Variants in UBAP2 observed in about 807,000 individuals in gnomAD.
The protein encoded by UBAP2 is ubiquitin-associated protein 2.
In UBAP2, 75 loss-of-function variants were observed where a neutral mutation model predicts 139.6. The ratio of observed to expected loss-of-function variants is 0.54; its 90% CI spans 0.45 to 0.65. UBAP2 has a LOEUF of 0.65. UBAP2 is among the 30% of genes least tolerant of loss of function. The pLI is 0.00. For missense variants in UBAP2, 1,368 were observed against 1,369.6 expected (o/e 1.00, Z 0.02); for synonymous variants, 526 against 526.2 (o/e 1.00, Z 0.01).
chr9:33,960,709 G>C (rs746621824), intron 10 of UBAP2, 117 bp downstream of exon 10: 3 of 906,172 alleles, frequency 3.3e-6, no homozygotes, highest in East Asian at 2.5e-5. Flanking sequence ...GAATCTGGGA[G>C]GCAGAGGTTG....
At chr9:33,938,795 CAAAA>C (rs10577457) in intron 16 of UBAP2, 2,795 of 307,868 alleles carry the variant, frequency 9.1e-3, no homozygotes, top group South Asian at 0.019. Context: ...GACTCCATCT[CAAAA>C]AAAAAAAAAA....
At chr9:34,026,209 T>C (rs189347026) in intron 1 of UBAP2, among the ~76,000 whole-genome samples, 54 of 152,278 alleles carry the variant, frequency 3.5e-4, no homozygotes, top group African/African-American at 1.2e-3. Flanking sequence ...GTTTGAACAG[T>C]TAATTAAATC....
chr9:34,035,189 C>A (rs925912676), intron 1 of UBAP2, among the ~76,000 whole-genome samples: 1 of 151,878 alleles, frequency 6.6e-6, no homozygotes, highest in Non-Finnish European at 1.5e-5. Flanking sequence ...CTCATTCTTT[C>A]ATCTGTCTCT....
intron 2 of UBAP2, among the ~76,000 whole-genome samples, chr9:34,008,855 C>T (rs1823475422): frequency 6.9e-6 from 1 of 144,570 alleles, no homozygotes. Context: ...GTCCCAACTA[C>T]TTTGGAGGCT....
intron 13 of UBAP2, among the ~76,000 whole-genome samples, chr9:33,946,035 AAC>A (rs1030939998): frequency 1.3e-5 from 2 of 152,230 alleles, no homozygotes; most frequent in Non-Finnish European, 2.9e-5. Context: ...CATCCTTTTT[AAC>A]ACACTCTAAT....
intron 12 of UBAP2, among the ~76,000 whole-genome samples, 190 bp downstream of exon 12, chr9:33,953,095 C>G (rs567719583): frequency 6.6e-6 from 1 of 152,196 alleles, no homozygotes; most frequent in Non-Finnish European, 1.5e-5. Context: ...GTTTCAAACT[C>G]CTGGGTTCAA....
At chr9:33,971,509 AG>A (rs1827913619) in intron 8 of UBAP2, 141 bp downstream of exon 8, 2 of 598,890 alleles carry the variant, frequency 3.3e-6, no homozygotes, top group Non-Finnish European at 6.0e-6. Context: ...GAACCAACTA[AG>A]AATAGTTTCA....
rs776827275 is a variant in UBAP2, at chr9:33,996,317, C to G, written c.194G>C (p.Gly65Ala). ...AKVKQLMEVT[G>A]KNQDECIVAL... ...CACTATGCATTCATCCTGATTTTTCCCTGTCACTTCCATAAGCTAGTGAAC... is the reference window on the plus strand; with the variant it reads ...CACTATGCATTCATCCTGATTTTTCGCTGTCACTTCCATAAGCTAGTGAAC... Residue 65 changes from glycine (G) to alanine (A), a missense_variant, in exon 4 of 29, where the codon GGG becomes GCG. By Grantham distance (60) the Gly-to-Ala change is moderately conservative. Coordinates refer to ENST00000379238, the MANE Select transcript of UBAP2 (RefSeq NM_001370062.2). 2.5e-6 allele frequency: 4 copies of G among 1,613,074 alleles called. No individual in the cohort carries two copies. Among genetic ancestry groups the G allele is most frequent in the Non-Finnish European group, 3.4e-6 (4 of 1,179,738 alleles).
At chr9:34,024,038 T>C (rs774564497) in intron 1 of UBAP2, among the ~76,000 whole-genome samples, 1 of 142,874 alleles carries the variant, frequency 7.0e-6, no homozygotes, top group Non-Finnish European at 1.5e-5. Context: ...AGCAAGACTC[T>C]GTCTCAAAAA....
chr9:33,924,300 G>A lies in UBAP2; in HGVS notation c.2512-16C>T, dbSNP rs968704675. The A allele has an allele frequency of 6.2e-7, 1 of 1,609,536 alleles. No homozygotes were observed. The highest frequency in any genetic ancestry group is 8.5e-7 in the Non-Finnish European group (1 of 1,176,250). ...CATAGTAGTCCTAGGAGAGACCAGGGAGGCTTGATCAGCGACTGGCCCTGC... is the reference window on the plus strand; with the variant it reads ...CATAGTAGTCCTAGGAGAGACCAGGAAGGCTTGATCAGCGACTGGCCCTGC... On this transcript the variant is annotated splice_polypyrimidine_tract_variant and intron_variant, in intron 22 of 28. Transcript: ENST00000379238.
chr9:33,963,565 T>C (rs1351733458), intron 9 of UBAP2, among the ~76,000 whole-genome samples, 161 bp downstream of exon 9: 1 of 152,192 alleles, frequency 6.6e-6, no homozygotes, highest in East Asian at 1.9e-4. Flanking sequence ...ATAAAACATT[T>C]CCATTAGCAA....
intron 1 of UBAP2, among the ~76,000 whole-genome samples, chr9:34,021,488 A>G (rs1332504516): frequency 6.6e-6 from 1 of 152,144 alleles, no homozygotes; most frequent in African/African-American, 2.4e-5. Context: ...TATAGAGAAC[A>G]AGGTTAATTG....
chr9:34,045,766 T>C (rs1827526054), intron 1 of UBAP2, among the ~76,000 whole-genome samples: 1 of 152,130 alleles, frequency 6.6e-6, no homozygotes, highest in African/African-American at 2.4e-5. Context: ...TACATTAAAA[T>C]TGTAAAAACT....
chr9:33,982,294 C>T (rs1253857594), intron 6 of UBAP2, among the ~76,000 whole-genome samples: 2 of 152,146 alleles, frequency 1.3e-5, no homozygotes. Context: ...AGCAAAAAAG[C>T]TTATGAAAGA....
At chr9:33,942,712 A>T (rs1374485383) in intron 15 of UBAP2, among the ~76,000 whole-genome samples, 1 of 150,046 alleles carries the variant, frequency 6.7e-6, no homozygotes, top group Non-Finnish European at 1.5e-5. Context: ...TGGACAACAG[A>T]GCAAGACCCT....
At chr9:33,999,042 A>T (rs943869924) in intron 2 of UBAP2, among the ~76,000 whole-genome samples, 178 bp from the exon 3 acceptor site, 2 of 152,224 alleles carry the variant, frequency 1.3e-5, no homozygotes, top group African/African-American at 4.8e-5. Flanking sequence ...AAAAATAAGC[A>T]TCAAATTAAG....
chr9:34,022,237 C>A (rs1231535828), intron 1 of UBAP2, among the ~76,000 whole-genome samples: 1 of 151,880 alleles, frequency 6.6e-6, no homozygotes, highest in Admixed American at 6.6e-5. Flanking sequence ...AAGAGCGAGA[C>A]ACCATCTAAA....
rs1431840820 is a variant in UBAP2 at position 33,922,429 on chromosome 9, G to T, written c.*75C>A. 1 of 1,441,900 alleles carries T rather than the reference G, an allele frequency of 6.9e-7. No individual in the cohort carries two copies. The highest frequency in any genetic ancestry group is 9.6e-7 in the Non-Finnish European group (1 of 1,043,516). 89.3% of individuals were successfully genotyped at this position (1,441,900 alleles called of 1,614,324 possible). A position where few individuals can be genotyped will look rare whatever the true frequency, so the allele number is the denominator to read the frequency against. On this transcript the variant is annotated 3_prime_UTR_variant, in exon 29 of 29. Coordinates refer to ENST00000379238, the MANE Select transcript of UBAP2 (RefSeq NM_001370062.2). The stretch of plus-strand genomic sequence containing the variant: ...CGGGAATTCTAGGAAAGGGCACTGG[G>T]CTCCCAAATACGTGCTCGTGTGTTC...
At chr9:34,014,388 T>C (rs906680720) in intron 2 of UBAP2, among the ~76,000 whole-genome samples, 6 of 147,580 alleles carry the variant, frequency 4.1e-5, no homozygotes, top group Admixed American at 2.1e-4. Flanking sequence ...CACAGCACCT[T>C]TGAAGGCTAA....
Sources: gnomAD v4.1 joint callset for allele counts (sites outside exome capture counted in the v4.1 genomes callset) on GRCh38, gnomAD v4.1.1 for gene constraint, MANE v1.5 for transcripts, NCBI Gene and HGNC (gene_info 2026-07-23, HGNC 2026-07-21) for gene names.